The following PDE3A variants were observed in gnomAD, a reference collection of about 807,000 sequenced individuals.
PDE3A encodes cGMP-inhibited 3',5'-cyclic phosphodiesterase 3A.
A neutral mutation model predicts 98.3 loss-of-function variants in PDE3A; 43 were observed. The observed-to-expected ratio is 0.44, with a 90% CI of 0.34 to 0.56. The LOEUF (loss-of-function observed/expected upper bound fraction) is 0.56, where lower values mean the gene tolerates loss of function less well. Ranked by LOEUF, PDE3A falls within the 20% of genes least tolerant of loss-of-function variation. PDE3A has a pLI of 0.01. For missense variants in PDE3A, 1,427 were observed against 1,440.7 expected, an observed-to-expected ratio of 0.99 and a Z score of 0.15; for synonymous variants, 663 against 567.9, an observed-to-expected ratio of 1.17 and a Z score of -2.38.
At chr12:20,490,804 G>T (rs1191866694) in intron 1 of PDE3A, among the ~76,000 whole-genome samples, 2 of 152,096 alleles carry the variant, frequency 1.3e-5, no homozygotes, top group Admixed American at 1.3e-4. Flanking sequence ...CAAAACAGGA[G>T]AAACAATAAT....
intron 12 of PDE3A, among the ~76,000 whole-genome samples, 194 bp from the exon 13 acceptor site, chr12:20,648,494 A>C (rs1265568446): frequency 6.6e-6 from 1 of 152,082 alleles, no homozygotes; most frequent in East Asian, 1.9e-4. Context: ...TTTATCTTAC[A>C]AAAAGTGGAA....
intron 1 of PDE3A, among the ~76,000 whole-genome samples, chr12:20,372,798 G>C (rs1040231890): frequency 7.9e-5 from 12 of 152,178 alleles, no homozygotes; most frequent in African/African-American, 2.4e-4. Flanking sequence ...ATTTTAAATA[G>C]TCATTTAAGA....
At chr12:20,551,793 G>A (rs1420484117) in intron 1 of PDE3A, 8 of 1,613,926 alleles carry the variant, frequency 5.0e-6, no homozygotes, top group Non-Finnish European at 5.9e-6. Context: ...AGATGGCCTC[G>A]GCCACATCGT....
chr12:20,369,350 C>G lies in PDE3A; in HGVS notation c.66C>G (p.Ala22=). The change falls in exon 1 of 16, where the codon GCC becomes GCG. Residue 22 remains alanine, a synonymous_variant. Coordinates refer to ENST00000359062, the MANE Select transcript of PDE3A (RefSeq NM_000921.5). The part of the protein sequence containing the change: ...DKPVHSGVSQ[A]PTAGRDCHHR... ...CCGTCCACAGTGGGGTGAGTCAAGC[C>G]CCCACGGCGGGCCGGGACTGCCACC... 1 of 1,548,864 alleles carries G rather than the reference C, an allele frequency of 6.5e-7. No homozygotes were observed. The highest frequency in any genetic ancestry group is 8.7e-7 in the Non-Finnish European group (1 of 1,146,494).
intron 15 of PDE3A, among the ~76,000 whole-genome samples, chr12:20,665,687 T>A (rs964180217): frequency 6.6e-6 from 1 of 152,170 alleles, no homozygotes; most frequent in Admixed American, 6.5e-5. Flanking sequence ...CTATAAGCAA[T>A]ATATTAGTTC....
intron 1 of PDE3A, among the ~76,000 whole-genome samples, chr12:20,510,808 A>T (rs921421479): frequency 6.6e-6 from 1 of 152,056 alleles, no homozygotes; most frequent in African/African-American, 2.4e-5. Context: ...TAAATTAAGA[A>T]GGGAAGCATT....
intron 1 of PDE3A, among the ~76,000 whole-genome samples, chr12:20,554,482 T>C (rs1942313890): frequency 6.6e-6 from 1 of 151,902 alleles, no homozygotes; most frequent in South Asian, 2.1e-4. Flanking sequence ...GTTTTGTCTT[T>C]TTAAAAATTT....
chr12:20,446,711 C>T (rs1944961492), intron 1 of PDE3A, among the ~76,000 whole-genome samples: 1 of 152,064 alleles, frequency 6.6e-6, no homozygotes, highest in African/African-American at 2.4e-5. Context: ...ATTCTAACAG[C>T]TAGTAATGTA....
intron 2 of PDE3A, among the ~76,000 whole-genome samples, chr12:20,565,596 T>C (rs1942636755): frequency 6.6e-6 from 1 of 151,438 alleles, no homozygotes; most frequent in Non-Finnish European, 1.5e-5. Context: ...TTATATGGAG[T>C]AGTAAGGACA....
chr12:20,602,266 C>A (rs900401290), intron 2 of PDE3A, among the ~76,000 whole-genome samples: 1 of 152,128 alleles, frequency 6.6e-6, no homozygotes, highest in East Asian at 1.9e-4. Context: ...AGAAAACCAG[C>A]GTGCAACTTA....
chr12:20,382,807 G>A (rs1271074682), intron 1 of PDE3A, among the ~76,000 whole-genome samples: 1 of 151,940 alleles, frequency 6.6e-6, no homozygotes, highest in Non-Finnish European at 1.5e-5. Context: ...AGCTGAACAT[G>A]AATAATACAT....
intron 2 of PDE3A, among the ~76,000 whole-genome samples, chr12:20,585,638 A>G (rs1460928182): frequency 9.8e-6 from 1 of 102,362 alleles, no homozygotes; most frequent in Non-Finnish European, 2.2e-5. Context: ...GCTTTTGTTC[A>G]TTATTAAATG....
chr12:20,538,831 A>G (rs1014772772), intron 1 of PDE3A, among the ~76,000 whole-genome samples: 3 of 151,998 alleles, frequency 2.0e-5, no homozygotes, highest in African/African-American at 7.2e-5. Flanking sequence ...TTTTTTGTAG[A>G]CGTGAGATCC....
chr12:20,684,038 A>G lies in PDE3A; in HGVS notation c.*3767A>G, dbSNP rs1380521075. 6.6e-6 allele frequency: 1 copy of G among 152,288 alleles called. No individual in the cohort carries two copies. Among genetic ancestry groups the G allele is most frequent in the African/African-American group, 2.4e-5 (1 of 41,584 alleles). The allele number at this position is 152,288 out of a possible 1,614,324, so 9.4% of individuals were successfully genotyped here. A position where few individuals can be genotyped will look rare whatever the true frequency, so the allele number is the denominator to read the frequency against. ...TTTAAATGATGGAAAAATATAAATT[A>G]TTTTCTAAGTAATAAAAGTATAAAA... On this transcript the variant is annotated 3_prime_UTR_variant, in exon 16 of 16. Transcript: ENST00000359062.
At chr12:20,412,657 G>A (rs1379934922) in intron 1 of PDE3A, among the ~76,000 whole-genome samples, 1 of 152,154 alleles carries the variant, frequency 6.6e-6, no homozygotes, top group Non-Finnish European at 1.5e-5. Flanking sequence ...TATGGGGTAT[G>A]TGTAAAGAAT....
intron 1 of PDE3A, among the ~76,000 whole-genome samples, chr12:20,512,735 C>G (rs1048627335): frequency 6.6e-6 from 1 of 152,074 alleles, no homozygotes; most frequent in Non-Finnish European, 1.5e-5. Flanking sequence ...AGTACTGCTT[C>G]GTAAATTGCA....
At chr12:20,569,629 T>C (rs1942747769) in intron 2 of PDE3A, among the ~76,000 whole-genome samples, 1 of 152,170 alleles carries the variant, frequency 6.6e-6, no homozygotes, top group Non-Finnish European at 1.5e-5. Context: ...ATGTAGCTAA[T>C]GTATGAATGA....
intron 1 of PDE3A, among the ~76,000 whole-genome samples, chr12:20,475,202 T>G (rs984814919): frequency 1.3e-5 from 2 of 151,500 alleles, no homozygotes; most frequent in African/African-American, 4.9e-5. Flanking sequence ...TGTGTGTGTG[T>G]GTGTGTGTGT....
chr12:20,633,593 T>G (rs1565456831), intron 6 of PDE3A, 100 bp from the exon 7 acceptor site: 3 of 540,048 alleles, frequency 5.6e-6, no homozygotes, highest in Non-Finnish European at 9.8e-6. Flanking sequence ...GTAGAAATAT[T>G]TGACTATTGT....
Sources: gnomAD v4.1 joint callset for allele counts (sites outside exome capture counted in the v4.1 genomes callset) on GRCh38, gnomAD v4.1.1 for gene constraint, MANE v1.5 for transcripts, NCBI Gene and HGNC (gene_info 2026-07-23, HGNC 2026-07-21) for gene names.